TMCC2: variants seen among roughly 807,000 people sequenced by gnomAD.
TMCC2 encodes transmembrane and coiled-coil domain family 2.
In TMCC2, 16 loss-of-function variants were observed where a neutral mutation model predicts 49.4. That is an observed-to-expected ratio of 0.32 (90% CI 0.22 to 0.49). The LOEUF (loss-of-function observed/expected upper bound fraction) is 0.49. Among genes scored for constraint, TMCC2 ranks in the 20% least tolerant of loss-of-function variants. TMCC2 has a pLI of 0.99. For synonymous variants in TMCC2, 397 were observed against 434.1 expected, an observed-to-expected ratio of 0.91 and a Z score of 1.06; for missense variants, 762 against 989.8, an observed-to-expected ratio of 0.77 and a Z score of 3.09.
chr1:205,248,190 T>G (rs1210331069), intron 2 of TMCC2, among the ~76,000 whole-genome samples: 1 of 152,214 alleles, frequency 6.6e-6, no homozygotes, highest in Non-Finnish European at 1.5e-5. Context: ...GTGGATCAGT[T>G]GAGCCTAGGA....
In TMCC2 at chr1:205,271,012, G is replaced by T. The variant is rs530107144; in HGVS notation, c.1683-108G>T. 45 of 1,466,232 alleles carry T rather than the reference G, an allele frequency of 3.1e-5. No individual in the cohort carries two copies. In the East Asian group the frequency reaches 1.0e-3, roughly 34 times the overall value. The allele number at this position is 1,466,232 out of a possible 1,614,324, so 90.8% of individuals were successfully genotyped here. A position where few individuals can be genotyped will look rare whatever the true frequency, so the allele number is the denominator to read the frequency against. On this transcript the variant is annotated intron_variant, in intron 3 of 4. Coordinates refer to ENST00000358024, the MANE Select transcript of TMCC2 (RefSeq NM_014858.4). The stretch of plus-strand genomic sequence containing the variant: ...ATTAGAACAGAGCAGAGCTGGACAC[G>T]GGGGATGGGCTGAGTCATTGTTTAT...
chr1:205,233,411 TC>T (rs1373537669), intron 1 of TMCC2, among the ~76,000 whole-genome samples: 1 of 152,232 alleles, frequency 6.6e-6, no homozygotes, highest in Non-Finnish European at 1.5e-5. Context: ...ACACTGGTCT[TC>T]CTGCCTACTT....
At chr1:205,258,509 C>G (rs982308605) in intron 2 of TMCC2, among the ~76,000 whole-genome samples, 2 of 152,162 alleles carry the variant, frequency 1.3e-5, no homozygotes, top group Non-Finnish European at 2.9e-5. Context: ...TTTCTCCACC[C>G]CCACCCCTTT....
At chr1:205,256,165 C>T in intron 2 of TMCC2, 1 of 1,406,016 alleles carries the variant, frequency 7.1e-7, no homozygotes, top group Non-Finnish European at 9.3e-7. Context: ...GCGTGTCGGC[C>T]ATCAGTATTT....
In TMCC2 at chr1:205,272,277, T is replaced by G. The variant is rs1558661850; in HGVS notation, c.*153T>G. The G allele has an allele frequency of 7.2e-7, 1 of 1,385,986 alleles. No homozygotes were observed. The highest frequency in any genetic ancestry group is 1.5e-5 in the African/African-American group (1 of 68,950). The allele number at this position is 1,385,986 out of a possible 1,614,324, so 85.9% of individuals were successfully genotyped here. A position where few individuals can be genotyped will look rare whatever the true frequency, so the allele number is the denominator to read the frequency against. The stretch of plus-strand genomic sequence containing the variant: ...GCCCCCTTCTCTGTACTTGCTTCTG[T>G]CTGACACCTTCTCCCTGTTGGCCTG... On this transcript the variant is annotated 3_prime_UTR_variant, in exon 5 of 5. Transcript: ENST00000358024.
chr1:205,230,134 G>A (rs911277224), intron 1 of TMCC2: 5 of 985,530 alleles, frequency 5.1e-6, no homozygotes, highest in Non-Finnish European at 6.0e-6. Flanking sequence ...TCCTCATTTG[G>A]CCTGAGCAGC....
chr1:205,263,553 G>A (rs1448144236), intron 2 of TMCC2, among the ~76,000 whole-genome samples: 1 of 152,146 alleles, frequency 6.6e-6, no homozygotes, highest in Non-Finnish European at 1.5e-5. Flanking sequence ...TTAGCCAGGT[G>A]TGGTGGCATG....
intron 2 of TMCC2, among the ~76,000 whole-genome samples, chr1:205,261,196 CTTTTTTTTTT>C (rs34247734): frequency 1.0e-5 from 1 of 95,270 alleles, no homozygotes; most frequent in Admixed American, 1.2e-4. Context: ...CACTTATTTC[CTTTTTTTTTT>C]TTTTTTTTTT....
intron 1 of TMCC2, among the ~76,000 whole-genome samples, chr1:205,235,599 A>C (rs1363058959): frequency 6.6e-6 from 1 of 152,162 alleles, no homozygotes; most frequent in Non-Finnish European, 1.5e-5. Flanking sequence ...CTCTCCCTTA[A>C]GAAATGGCAT....
At chr1:205,259,125 G>A (rs1660999395) in intron 2 of TMCC2, among the ~76,000 whole-genome samples, 1 of 152,148 alleles carries the variant, frequency 6.6e-6, no homozygotes, top group African/African-American at 2.4e-5. Flanking sequence ...TGACTCCATT[G>A]TCAGGATGAC....
At chr1:205,246,646 G>A in intron 2 of TMCC2, 1 of 1,550,400 alleles carries the variant, frequency 6.4e-7, no homozygotes, top group Non-Finnish European at 8.7e-7. Context: ...AGCCCTTAAT[G>A]AGCAGACACT....
intron 2 of TMCC2, among the ~76,000 whole-genome samples, chr1:205,243,516 C>T (rs1015809735): frequency 6.6e-6 from 1 of 152,088 alleles, no homozygotes; most frequent in Non-Finnish European, 1.5e-5. Flanking sequence ...GCGCCAAGTG[C>T]AGAAAACATT....
chr1:205,265,046 C>A (rs1170599741), intron 2 of TMCC2, among the ~76,000 whole-genome samples: 1 of 152,164 alleles, frequency 6.6e-6, no homozygotes, highest in African/African-American at 2.4e-5. Context: ...GGAGACTGAC[C>A]CGCTCAATCC....
chr1:205,233,085 T>TA (rs1558640628), intron 1 of TMCC2, among the ~76,000 whole-genome samples: 1 of 148,034 alleles, frequency 6.8e-6, no homozygotes, highest in Non-Finnish European at 1.5e-5. Context: ...TCTATCCTGA[T>TA]ATGTGATGGA....
intron 1 of TMCC2, among the ~76,000 whole-genome samples, chr1:205,240,399 T>G (rs1346477456): frequency 6.6e-6 from 1 of 152,254 alleles, no homozygotes; most frequent in Non-Finnish European, 1.5e-5. Context: ...CTCTATGCTT[T>G]GGATCTAAGG....
rs528788893 is a variant in TMCC2, at chr1:205,266,504, A to G, written c.748-2446A>G. On this transcript the variant is annotated intron_variant, in intron 2 of 4. Coordinates refer to ENST00000358024, the MANE Select transcript of TMCC2 (RefSeq NM_014858.4). Reference sequence around the variant, plus strand: ...GCTACTCAGGAAGCTGAGGCAGGAGAATCACTTGAACCCAGGAGGCATAGG... The same window carrying G: ...GCTACTCAGGAAGCTGAGGCAGGAGGATCACTTGAACCCAGGAGGCATAGG... 9.7e-4 allele frequency among the ~76,000 whole-genome samples: 147 copies of G among 151,884 alleles called. 2 individuals carry two copies. The highest frequency in any genetic ancestry group is 3.4e-3 in the African/African-American group (139 of 41,444).
intron 2 of TMCC2, 123 bp downstream of exon 2, chr1:205,242,167 C>T: frequency 9.1e-7 from 1 of 1,096,570 alleles, no homozygotes; most frequent in South Asian, 1.7e-5. Context: ...CCACCGTCTG[C>T]AGAGTTATCT....
chr1:205,250,423 C>T (rs1053878324), intron 2 of TMCC2, among the ~76,000 whole-genome samples: 2 of 152,018 alleles, frequency 1.3e-5, no homozygotes, highest in Non-Finnish European at 2.9e-5. Context: ...CGTCTGTAAT[C>T]CCAGCTACTC....
In TMCC2 at chr1:205,272,514, G is replaced by A. The variant is rs79856590; in HGVS notation, c.*390G>A. ...ACTTTCCTAGGAAAGAGCCCACCTC[G>A]GAGATAGCTACGGTTTTCTCTGGTG... is the stretch of plus-strand genomic sequence containing the variant. On this transcript the variant is annotated 3_prime_UTR_variant, in exon 5 of 5. Transcript: ENST00000358024. 6,365 of 220,804 alleles carry A rather than the reference G, an allele frequency of 0.029. 119 individuals are homozygous for A. Among genetic ancestry groups the A allele is most frequent in the Non-Finnish European group, 0.042 (4,617 of 110,796 alleles). 13.7% of individuals were successfully genotyped at this position (220,804 alleles called of 1,614,324 possible).
Sources: allele counts gnomAD v4.1 joint callset (sites outside exome capture counted in the v4.1 genomes callset), GRCh38; gene constraint gnomAD v4.1.1; transcripts MANE v1.5; gene names NCBI Gene and HGNC (gene_info 2026-07-23, HGNC 2026-07-21).